Variants in MYO16 observed in about 807,000 individuals in gnomAD.
The protein encoded by MYO16 is unconventional myosin-XVI.
MYO16 carries 94 observed loss-of-function variants against 205.3 expected under a neutral mutation model. The ratio of observed to expected loss-of-function variants is 0.46; its 90% CI spans 0.39 to 0.54. The LOEUF (loss-of-function observed/expected upper bound fraction) is 0.54, where lower values mean the gene tolerates loss of function less well. Ranked by LOEUF, MYO16 falls within the 20% of genes least tolerant of loss-of-function variation. The pLI, the probability that MYO16 is intolerant of heterozygous loss-of-function variation, is 0.00. For synonymous variants in MYO16, 988 were observed against 954.0 expected, an observed-to-expected ratio of 1.04 and a Z score of -0.66; for missense variants, 2,315 against 2,387.5, an observed-to-expected ratio of 0.97 and a Z score of 0.63.
chr13:109,022,690 G>C (rs867174780), intron 23 of MYO16, among the ~76,000 whole-genome samples: 1 of 83,322 alleles, frequency 1.2e-5, no homozygotes, highest in African/African-American at 4.4e-5. Context: ...ATATAAACAT[G>C]TATATATTTA....
chr13:108,660,891 T>C (rs1881472784), intron 1 of MYO16, among the ~76,000 whole-genome samples: 1 of 151,922 alleles, frequency 6.6e-6, no homozygotes, highest in Admixed American at 6.6e-5. Context: ...TTATGGATCC[T>C]GTGTGCTTTA....
chr13:109,077,928 C>T (rs1307458894), intron 27 of MYO16, among the ~76,000 whole-genome samples: 1 of 152,052 alleles, frequency 6.6e-6, no homozygotes, highest in Admixed American at 6.6e-5. Flanking sequence ...TATTTGAAGT[C>T]CTCTCACATA....
intron 4 of MYO16, among the ~76,000 whole-genome samples, chr13:108,783,808 G>A (rs1886377230): frequency 6.6e-6 from 1 of 152,160 alleles, no homozygotes; most frequent in African/African-American, 2.4e-5. Flanking sequence ...CGCCTTGTAA[G>A]AAGTGCCTTT....
chr13:108,666,505 T>C (rs1035853884), intron 2 of MYO16, among the ~76,000 whole-genome samples: 2 of 152,160 alleles, frequency 1.3e-5, no homozygotes, highest in East Asian at 3.9e-4. Flanking sequence ...AAAATTTTTA[T>C]AGAGACAGGG....
intron 2 of MYO16, among the ~76,000 whole-genome samples, chr13:108,671,599 T>C (rs1881990915): frequency 6.6e-6 from 1 of 152,196 alleles, no homozygotes; most frequent in Non-Finnish European, 1.5e-5. Context: ...TTATTATAAT[T>C]TCAAATGCAT....
intron 13 of MYO16, among the ~76,000 whole-genome samples, chr13:108,885,017 G>C (rs1879800037): frequency 6.6e-6 from 1 of 151,228 alleles, no homozygotes; most frequent in South Asian, 2.1e-4. Context: ...ACGCTGAGAC[G>C]GGCTCTCACC....
Position 109,140,701 on chromosome 13 carries a change from G to C in MYO16, c.4489G>C (p.Ala1497Pro), listed in dbSNP as rs760176567. Residue 1497 changes from alanine to proline, a missense_variant, in exon 32 of 35, where the codon GCG becomes CCG. By Grantham distance (27) the Ala-to-Pro change is conservative. Transcript: ENST00000457511. The surrounding 1 kb of genome is among the most constrained non-coding windows in gnomAD (Gnocchi z 8.0). ...CGAGGCGGCGGGGCCCCCAGGGGAC[G>C]CGTGCGACATCCCGCCGCCCTTCCC... Reference protein sequence around the residue: ...EDEAAGPPGDACDIPPPFPNL... With the variant: ...EDEAAGPPGDPCDIPPPFPNL... 2.5e-5 allele frequency: 37 copies of C among 1,485,154 alleles called. No homozygotes were observed. Among genetic ancestry groups the C allele is most frequent in the Non-Finnish European group, 3.2e-5 (36 of 1,119,702 alleles). 92.0% of individuals were successfully genotyped at this position (1,485,154 alleles called of 1,614,324 possible). A position where few individuals can be genotyped will look rare whatever the true frequency, so the allele number is the denominator to read the frequency against.
intron 31 of MYO16, among the ~76,000 whole-genome samples, chr13:109,138,763 CA>C (rs1435120199): frequency 6.6e-6 from 1 of 151,998 alleles, no homozygotes; most frequent in Non-Finnish European, 1.5e-5. Context: ...TCCATCCACA[CA>C]AGTGTTTTTG....
At chr13:108,894,445 A>C (rs902995733) in intron 14 of MYO16, among the ~76,000 whole-genome samples, 1 of 152,146 alleles carries the variant, frequency 6.6e-6, no homozygotes, top group African/African-American at 2.4e-5. Context: ...AGAGAACCCA[A>C]AATGAAAGGG....
At chr13:108,998,019 G>A (rs1885092591) in intron 21 of MYO16, among the ~76,000 whole-genome samples, 1 of 152,074 alleles carries the variant, frequency 6.6e-6, no homozygotes, top group Admixed American at 6.5e-5. Flanking sequence ...GTCAGAGTTT[G>A]GAAAAATTGA....
chr13:108,734,524 G>T (rs1297652651), intron 4 of MYO16, among the ~76,000 whole-genome samples: 3 of 152,088 alleles, frequency 2.0e-5, no homozygotes, highest in African/African-American at 7.2e-5. Flanking sequence ...GTTTTTACTA[G>T]TAGGCAACAA....
intron 33 of MYO16, 93 bp downstream of exon 33, chr13:109,165,152 T>G: frequency 6.2e-6 from 6 of 960,188 alleles, no homozygotes; most frequent in Non-Finnish European, 9.3e-6. Context: ...GAAAATGAAG[T>G]AGGGTTAAGA....
At chr13:108,896,469 A>C (rs1880416895) in intron 14 of MYO16, among the ~76,000 whole-genome samples, 1 of 152,156 alleles carries the variant, frequency 6.6e-6, no homozygotes, top group Non-Finnish European at 1.5e-5. Flanking sequence ...CTAAACCATA[A>C]AGTTTTTGTA....
intron 32 of MYO16, among the ~76,000 whole-genome samples, chr13:109,155,426 G>A (rs1877956978): frequency 6.6e-6 from 1 of 152,156 alleles, no homozygotes; most frequent in East Asian, 1.9e-4. Context: ...AGGAATGTCG[G>A]GAGCCCAGCC....
At chr13:108,759,059 T>G (rs1012694335) in intron 4 of MYO16, among the ~76,000 whole-genome samples, 1 of 152,184 alleles carries the variant, frequency 6.6e-6, no homozygotes, top group Non-Finnish European at 1.5e-5. Flanking sequence ...AACTTTTCAG[T>G]AATTTATGTT....
chr13:108,851,961 G>A lies in MYO16; in HGVS notation c.1249-3482G>A, dbSNP rs572512803. ...CCTCCTCCCACCTCCTCCACGCCAG[G>A]GCATGTTCTAGGGCCTCCCACACAC... On this transcript the variant is annotated intron_variant, in intron 10 of 34. Coordinates refer to ENST00000457511, the MANE Select transcript of MYO16 (RefSeq NM_001198950.3). Among the ~76,000 whole-genome samples, 14 of 151,996 alleles carry A rather than the reference G, an allele frequency of 9.2e-5. No individual in the cohort carries two copies. The South Asian group carries it at 2.3e-3, about 25-fold the overall frequency.
chr13:108,854,096 C>A (rs1329472179), intron 10 of MYO16, among the ~76,000 whole-genome samples: 1 of 151,970 alleles, frequency 6.6e-6, no homozygotes, highest in East Asian at 1.9e-4. Context: ...TGGGTTCAAG[C>A]AATTCTCGTG....
chr13:108,810,476 T>G (rs1380319485), intron 7 of MYO16, among the ~76,000 whole-genome samples: 3 of 152,128 alleles, frequency 2.0e-5, no homozygotes, highest in African/African-American at 7.2e-5. Flanking sequence ...CAACTGGAGA[T>G]TTATGATAAT....
chr13:109,143,139 T>G (rs1182673183), intron 32 of MYO16, among the ~76,000 whole-genome samples: 3 of 152,056 alleles, frequency 2.0e-5, no homozygotes, highest in Admixed American at 6.5e-5. Flanking sequence ...TAGTAACACT[T>G]TATGCATGCA....
Sources: allele counts gnomAD v4.1 joint callset (sites outside exome capture counted in the v4.1 genomes callset), GRCh38; gene constraint gnomAD v4.1.1; non-coding constraint Gnocchi (gnomAD v3.1); transcripts MANE v1.5; gene names NCBI Gene and HGNC (gene_info 2026-07-23, HGNC 2026-07-21).